Variants in RABGAP1L observed in about 807,000 individuals in gnomAD.
The protein encoded by RABGAP1L is rab GTPase-activating protein 1-like.
Under a neutral mutation model 137.7 loss-of-function variants are expected in RABGAP1L, and 63 were observed. The observed-to-expected ratio is 0.46, with a 90% CI of 0.37 to 0.56. RABGAP1L has a LOEUF of 0.56. RABGAP1L is among the 20% of genes least tolerant of loss of function. The pLI, the probability that RABGAP1L is intolerant of heterozygous loss-of-function variation, is 0.00. For missense variants in RABGAP1L, 1,095 were observed against 1,244.0 expected, an observed-to-expected ratio of 0.88 and a Z score of 1.80; for synonymous variants, 431 against 433.7, an observed-to-expected ratio of 0.99 and a Z score of 0.08.
intron 13 of RABGAP1L, among the ~76,000 whole-genome samples, chr1:174,397,143 T>C (rs532294192): frequency 2.8e-4 from 42 of 152,254 alleles, no homozygotes; most frequent in African/African-American, 9.1e-4. Flanking sequence ...TGAGACCCAG[T>C]CTCAAACCAC....
At chr1:174,193,131 T>G (rs529621951) in intron 1 of RABGAP1L, among the ~76,000 whole-genome samples, 60 of 152,364 alleles carry the variant, frequency 3.9e-4, no homozygotes, top group African/African-American at 1.3e-3. Context: ...AATAAAAGGA[T>G]AACTGTTATC....
chr1:174,429,464 G>A (rs1443381127), intron 13 of RABGAP1L, among the ~76,000 whole-genome samples: 6 of 152,080 alleles, frequency 3.9e-5, no homozygotes, highest in Non-Finnish European at 5.9e-5. Context: ...ATGGAGGGCC[G>A]GGCACGGTGG....
rs561391590 is a variant in RABGAP1L at position 174,444,188 on chromosome 1, T to G, written c.1710+50043T>G. ...TTTGTAGTTCCATACAAATTTTAGG[T>G]TTTTTTTTTCTATTTATTTGAATGT... On this transcript the variant is annotated intron_variant, in intron 13 of 25. Coordinates refer to ENST00000681986, the MANE Select transcript of RABGAP1L (RefSeq NM_001366446.1). Among the ~76,000 whole-genome samples the G allele has an allele frequency of 3.4e-4, 39 of 114,252 alleles. No homozygotes were observed. The Middle Eastern group carries it at 0.035, about 102-fold the overall frequency. The allele number at this position is 114,252 out of a possible 152,430, so 75.0% of individuals were successfully genotyped here.
chr1:174,248,335 T>C (rs1165057272), intron 5 of RABGAP1L, among the ~76,000 whole-genome samples: 1 of 152,226 alleles, frequency 6.6e-6, no homozygotes, highest in African/African-American at 2.4e-5. Context: ...CAAATAATAT[T>C]TGTTGAATGA....
chr1:174,921,680 G>A (rs1395249303), intron 19 of RABGAP1L, among the ~76,000 whole-genome samples: 1 of 152,158 alleles, frequency 6.6e-6, no homozygotes, highest in Non-Finnish European at 1.5e-5. Context: ...AGCTGCTAAC[G>A]AACTGTCTAA....
At chr1:174,899,368 G>T (rs1302359272) in intron 19 of RABGAP1L, among the ~76,000 whole-genome samples, 1 of 152,180 alleles carries the variant, frequency 6.6e-6, no homozygotes, top group Non-Finnish European at 1.5e-5. Flanking sequence ...TTATGATAAG[G>T]AATTGGGCTT....
intron 17 of RABGAP1L, among the ~76,000 whole-genome samples, chr1:174,734,946 A>ATC (rs1359934793): frequency 5.7e-5 from 8 of 140,052 alleles, no homozygotes; most frequent in Non-Finnish European, 7.7e-5. Flanking sequence ...GGAAATTAGG[A>ATC]TCTCTCTCTT....
chr1:174,297,607 G>A (rs1438414067), intron 10 of RABGAP1L, among the ~76,000 whole-genome samples: 6 of 152,128 alleles, frequency 3.9e-5, no homozygotes, highest in Admixed American at 3.9e-4. Flanking sequence ...GACTAAGACC[G>A]ATCTTAACTG....
intron 13 of RABGAP1L, among the ~76,000 whole-genome samples, chr1:174,520,593 C>T (rs965999739): frequency 6.6e-6 from 1 of 152,164 alleles, no homozygotes; most frequent in African/African-American, 2.4e-5. Context: ...TTGTTTGAAA[C>T]TCCAGTAAAT....
intron 13 of RABGAP1L, among the ~76,000 whole-genome samples, chr1:174,627,586 A>G (rs1350345571): frequency 6.6e-6 from 1 of 152,222 alleles, no homozygotes; most frequent in Non-Finnish European, 1.5e-5. Context: ...CTGATCTTCA[A>G]CAAGCTAAAT....
chr1:174,746,511 A>T (rs867499142), intron 17 of RABGAP1L, among the ~76,000 whole-genome samples: 3 of 152,184 alleles, frequency 2.0e-5, no homozygotes, highest in Non-Finnish European at 4.4e-5. Context: ...AATAGAATTT[A>T]GTTCTGGTAG....
At chr1:174,370,253 A>G (rs889113265) in intron 11 of RABGAP1L, among the ~76,000 whole-genome samples, 3 of 152,140 alleles carry the variant, frequency 2.0e-5, no homozygotes, top group African/African-American at 7.2e-5. Flanking sequence ...TATAATAGGT[A>G]CATTGTGTCT....
At chr1:174,349,648 C>G (rs796857364) in intron 11 of RABGAP1L, among the ~76,000 whole-genome samples, 2 of 137,072 alleles carry the variant, frequency 1.5e-5, no homozygotes, top group South Asian at 4.8e-4. Context: ...ACCCCCCCAC[C>G]TCCCTCCCGG....
chr1:174,856,238 T>C (rs369464223), intron 19 of RABGAP1L, among the ~76,000 whole-genome samples: 2 of 151,784 alleles, frequency 1.3e-5, no homozygotes, highest in East Asian at 3.9e-4. Flanking sequence ...CTACTAAAAC[T>C]ACAAAAAATT....
chr1:174,281,425 G>T (rs193117938), intron 10 of RABGAP1L, among the ~76,000 whole-genome samples: 19 of 152,284 alleles, frequency 1.2e-4, no homozygotes, highest in African/African-American at 4.6e-4. Flanking sequence ...ACAGAGTGCT[G>T]ATTGGTGTGT....
chr1:174,476,592 G>T (rs766323608), intron 13 of RABGAP1L, among the ~76,000 whole-genome samples: 7 of 152,130 alleles, frequency 4.6e-5, no homozygotes, highest in Non-Finnish European at 7.4e-5. Context: ...TAAGGAAATG[G>T]ACATTTGGCA....
chr1:174,734,954 CTTTTTTTTTT>C (rs756783714), intron 17 of RABGAP1L, among the ~76,000 whole-genome samples: 28 of 96,116 alleles, frequency 2.9e-4, no homozygotes, highest in Non-Finnish European at 4.3e-4. Context: ...GGATCTCTCT[CTTTTTTTTTT>C]TTTTTTTTTT....
At chr1:174,977,908 G>C (rs558805877) in intron 22 of RABGAP1L, among the ~76,000 whole-genome samples, 1 of 152,256 alleles carries the variant, frequency 6.6e-6, no homozygotes, top group East Asian at 1.9e-4. Flanking sequence ...AATCTAATGA[G>C]TGCTATTATA....
intron 13 of RABGAP1L, among the ~76,000 whole-genome samples, chr1:174,531,908 C>T (rs1664444064): frequency 1.3e-5 from 2 of 151,994 alleles, no homozygotes; most frequent in African/African-American, 4.8e-5. Flanking sequence ...TCTTCAATAT[C>T]TGAGAAAAAA....
Sources: gnomAD v4.1 joint callset for allele counts (sites outside exome capture counted in the v4.1 genomes callset) on GRCh38, gnomAD v4.1.1 for gene constraint, MANE v1.5 for transcripts, NCBI Gene and HGNC (gene_info 2026-07-23, HGNC 2026-07-21) for gene names.